Variants in UTP15 observed in about 807,000 individuals in gnomAD.
UTP15 encodes U3 small nucleolar RNA-associated protein 15 homolog.
In UTP15, 5 loss-of-function variants were observed where a neutral mutation model predicts 59.1. The ratio of observed to expected loss-of-function variants is 0.08; its 90% confidence interval spans 0.04 to 0.18. The LOEUF (loss-of-function observed/expected upper bound fraction) is 0.18, where lower values mean the gene tolerates loss of function less well. Among genes scored for constraint, UTP15 ranks in the 10% least tolerant of loss-of-function variants. The pLI is 1.00. For missense variants in UTP15, 494 were observed against 616.7 expected (o/e 0.80, Z 2.11); for synonymous variants, 211 against 212.2 (o/e 0.99, Z 0.05).
intron 7 of UTP15, among the ~76,000 whole-genome samples, chr5:73,573,578 A>ATTT (rs35268325): frequency 6.7e-5 from 9 of 135,266 alleles, no homozygotes; most frequent in African/African-American, 8.4e-5. Context: ...AGATAAATTA[A>ATTT]TTTTTTTTTT....
rs763985000 is a variant in UTP15 at position 73,567,409 on chromosome 5, A to T, written c.65A>T (p.Asp22Val). The stretch of plus-strand genomic sequence containing the variant: ...ATACTTGGTGAAAAAATCACCCAAG[A>T]TACACTGTACTGGAACAACTATAAG... ...YPILGEKITQ[D>V]TLYWNNYKTP... The change falls in exon 2 of 13, where the codon GAT becomes GTT. Residue 22 changes from aspartate to valine, a missense_variant. Coordinates refer to ENST00000296792, the MANE Select transcript of UTP15 (RefSeq NM_032175.4). 3.1e-6 allele frequency: 5 copies of T among 1,609,712 alleles called. No homozygotes were observed. The highest frequency in any genetic ancestry group is 1.3e-5 in the African/African-American group (1 of 74,714).
chr5:73,573,092 G>T (rs867648467), intron 7 of UTP15, among the ~76,000 whole-genome samples: 27 of 152,012 alleles, frequency 1.8e-4, no homozygotes, highest in African/African-American at 6.3e-4. Flanking sequence ...CACCACACCC[G>T]GCCACCCATA....
Position 73,580,624 on chromosome 5 carries a change from C to T in UTP15, c.*530C>T, listed in dbSNP as rs1748274268. The T allele has an allele frequency of 6.6e-6, 1 of 152,534 alleles. No homozygotes were observed. Among genetic ancestry groups the T allele is most frequent in the South Asian group, 2.1e-4 (1 of 4,842 alleles). 9.4% of individuals were successfully genotyped at this position (152,534 alleles called of 1,614,324 possible). A position where few individuals can be genotyped will look rare whatever the true frequency, so the allele number is the denominator to read the frequency against. Reference sequence around the variant, plus strand: ...CTACACTTGTCTTAGATCACATGCCCTGCTTCAGCTGGTAATGGGACTGCA... The same window carrying T: ...CTACACTTGTCTTAGATCACATGCCTTGCTTCAGCTGGTAATGGGACTGCA... On this transcript the variant is annotated 3_prime_UTR_variant, in exon 13 of 13. Transcript: ENST00000296792.
chr5:73,569,696 C>A, intron 5 of UTP15, 21 bp downstream of exon 5: 2 of 1,540,400 alleles, frequency 1.3e-6, no homozygotes, highest in Middle Eastern at 1.7e-4. Flanking sequence ...TCTATTCCCT[C>A]CTGAAGCAAA....
intron 7 of UTP15, 55 bp downstream of exon 7, chr5:73,572,679 TGAGGAAATGA>T (rs1734694361): frequency 6.6e-7 from 1 of 1,503,980 alleles, no homozygotes; most frequent in Non-Finnish European, 9.0e-7. Flanking sequence ...GTTTACTGCT[TGAGGAAATGA>T]GTTATTTCAG....
intron 11 of UTP15, 54 bp downstream of exon 11, chr5:73,579,204 C>T: frequency 6.2e-7 from 1 of 1,607,654 alleles, no homozygotes; most frequent in East Asian, 2.2e-5. Context: ...TCCTTTATCA[C>T]CAAATAAAAG....
At chr5:73,572,074 G>C (rs919244200) in intron 6 of UTP15, among the ~76,000 whole-genome samples, 1 of 152,118 alleles carries the variant, frequency 6.6e-6, no homozygotes, top group Non-Finnish European at 1.5e-5. Flanking sequence ...CCCCAGTCAA[G>C]ATTTCAGTCT....
chr5:73,579,402 C>A (rs780009178), intron 12 of UTP15, 27 bp downstream of exon 12: 4 of 1,542,028 alleles, frequency 2.6e-6, no homozygotes, highest in Non-Finnish European at 3.5e-6. Context: ...ACTTGAAAAT[C>A]CTAACATGCT....
At chr5:73,568,633 T>C (rs942254869) in intron 4 of UTP15, 29 bp downstream of exon 4, 1 of 1,569,122 alleles carries the variant, frequency 6.4e-7, no homozygotes, top group Non-Finnish European at 8.6e-7. Context: ...CTGTGTGTTC[T>C]GGTTTTATTT....
intron 12 of UTP15, 28 bp downstream of exon 12, chr5:73,579,403 C>G: frequency 1.3e-6 from 2 of 1,539,828 alleles, no homozygotes; most frequent in Non-Finnish European, 1.8e-6. Flanking sequence ...CTTGAAAATC[C>G]TAACATGCTT....
rs187270041 is a variant in UTP15, at chr5:73,581,243, C to T, written c.*1149C>T. Reference sequence around the variant, plus strand: ...CTAATTTTTGTAGTTTTAGTAGAGACGGGGTTTCACCTTACCGGGCTGGTC... The same window carrying T: ...CTAATTTTTGTAGTTTTAGTAGAGATGGGGTTTCACCTTACCGGGCTGGTC... On this transcript the variant is annotated 3_prime_UTR_variant, in exon 13 of 13. Transcript: ENST00000296792. 6.5e-3 allele frequency: 995 copies of T among 151,964 alleles called. 13 individuals are homozygous for T. Among genetic ancestry groups the T allele is most frequent in the Non-Finnish European group, 7.7e-3 (525 of 67,984 alleles). 9.4% of individuals were successfully genotyped at this position (151,964 alleles called of 1,614,324 possible).
rs951978214 is a variant in UTP15 at position 73,581,509 on chromosome 5, T to C, written c.*1415T>C. The C allele has an allele frequency of 4.6e-5, 7 of 152,292 alleles. No individual in the cohort carries two copies. The highest frequency in any genetic ancestry group is 4.6e-4 in the Admixed American group (7 of 15,290). The allele number at this position is 152,292 out of a possible 1,614,324, so 9.4% of individuals were successfully genotyped here. A position where few individuals can be genotyped will look rare whatever the true frequency, so the allele number is the denominator to read the frequency against. ...CTAATTATTACGCCAACTCAAGTAGTTAAAAATCAGTAAGAAAAATGTCTT... is the reference window on the plus strand; with the variant it reads ...CTAATTATTACGCCAACTCAAGTAGCTAAAAATCAGTAAGAAAAATGTCTT... On this transcript the variant is annotated 3_prime_UTR_variant, in exon 13 of 13. Coordinates refer to ENST00000296792, the MANE Select transcript of UTP15 (RefSeq NM_032175.4).
rs1317261687 is a variant in UTP15 at position 73,580,952 on chromosome 5, A to T, written c.*858A>T. ...GATTTGTATTTAGATTCCTCCCCCCATTATTCACAATCATATTGTATTTCG... is the reference window on the plus strand; with the variant it reads ...GATTTGTATTTAGATTCCTCCCCCCTTTATTCACAATCATATTGTATTTCG... On this transcript the variant is annotated 3_prime_UTR_variant, in exon 13 of 13. Transcript: ENST00000296792. 6.6e-6 allele frequency: 1 copy of T among 151,966 alleles called. No individual in the cohort carries two copies. The highest frequency in any genetic ancestry group is 6.6e-5 in the Admixed American group (1 of 15,242). 9.4% of individuals were successfully genotyped at this position (151,966 alleles called of 1,614,324 possible). A position where few individuals can be genotyped will look rare whatever the true frequency, so the allele number is the denominator to read the frequency against.
Position 73,572,758 on chromosome 5 carries a change from G to T in UTP15, c.809+134G>T, listed in dbSNP as rs1580390851. The T allele has an allele frequency of 4.4e-6, 4 of 901,092 alleles. No individual in the cohort carries two copies. The East Asian group carries it at 1.1e-4, about 25-fold the overall frequency. The allele number at this position is 901,092 out of a possible 1,614,324, so 55.8% of individuals were successfully genotyped here. ...CCAGGAGAAAAAAACCTGTTGAGTT[G>T]AAAATAGTTTTGACCTTTTGTTTAC... On this transcript the variant is annotated intron_variant, in intron 7 of 12. Coordinates refer to ENST00000296792, the MANE Select transcript of UTP15 (RefSeq NM_032175.4).
Position 73,568,538 on chromosome 5 carries a change from A to T in UTP15, c.302A>T (p.Asp101Val). ...AGATTGCTTGTGGCTGGCAGTGAAG[A>T]TGGTGGAGTTCAACTTTTTGATATA... is the stretch of plus-strand genomic sequence containing the variant. ...DGRLLVAGSE[D>V]GGVQLFDISG... The change falls in exon 4 of 13, where the codon GAT (aspartate) becomes GTT (valine). Residue 101 changes from aspartate to valine, a missense_variant. Asp to Val is a radical substitution (Grantham distance 152). Transcript: ENST00000296792. The T allele has an allele frequency of 6.2e-7, 1 of 1,614,104 alleles. No homozygotes were observed. Among genetic ancestry groups the T allele is most frequent in the South Asian group, 1.1e-5 (1 of 91,074 alleles).
At chr5:73,573,251 TTTTTTTTTTTTTTTGAGACAGAG>T (rs1167913576) in intron 7 of UTP15, among the ~76,000 whole-genome samples, 4 of 147,590 alleles carry the variant, frequency 2.7e-5, no homozygotes, top group African/African-American at 1.1e-4. Flanking sequence ...TTTTGAAGTT[TTTTTTTTTTTTTTTGAGACAGAG>T]TCTTGTTCTG....
chr5:73,571,308 C>T (rs1399792751), intron 6 of UTP15, among the ~76,000 whole-genome samples: 2 of 151,246 alleles, frequency 1.3e-5, no homozygotes, highest in African/African-American at 2.4e-5. Flanking sequence ...GATTGAAATG[C>T]CACTACCCAG....
At position 73,579,946 on chromosome 5, in the gene UTP15, T is replaced by C. The variant is rs1407533320; in HGVS notation, c.1409T>C (p.Val470Ala). ...AAGTTTTTACTACTTCAAGGACTTG[T>C]AGAAAAAGAGATTGATTACCAAAGA... is the stretch of plus-strand genomic sequence containing the variant. ...DKKFLLLQGL[V>A]EKEIDYQREL... Residue 470 changes from valine to alanine, a missense_variant, in exon 13 of 13, where the codon GTA becomes GCA. Coordinates refer to ENST00000296792, the MANE Select transcript of UTP15 (RefSeq NM_032175.4). The C allele has an allele frequency of 6.2e-7, 1 of 1,613,650 alleles. No homozygotes were observed. Among genetic ancestry groups the C allele is most frequent in the Non-Finnish European group, 8.5e-7 (1 of 1,179,794 alleles).
At chr5:73,578,524 A>T in intron 9 of UTP15, 1 of 459,956 alleles carries the variant, frequency 2.2e-6, no homozygotes, top group South Asian at 3.1e-5. Context: ...GTAAGTTAAA[A>T]TTATAAGAGA....
Sources: gnomAD v4.1 joint callset for allele counts (sites outside exome capture counted in the v4.1 genomes callset) on GRCh38, gnomAD v4.1.1 for gene constraint, MANE v1.5 for transcripts, NCBI Gene and HGNC (gene_info 2026-07-23, HGNC 2026-07-21) for gene names.